The following ZP3 variants were observed in gnomAD, a reference collection of about 807,000 sequenced individuals.
ZP3 encodes zona pellucida sperm-binding protein 3.
A neutral mutation model predicts 35.6 loss-of-function variants in ZP3; 21 were observed. That is an observed-to-expected ratio of 0.59 (90% CI 0.42 to 0.85). The LOEUF (loss-of-function observed/expected upper bound fraction) is 0.85, where lower values mean the gene tolerates loss of function less well. Among genes scored for constraint, ZP3 ranks in the 40% least tolerant of loss-of-function variants. The pLI is 0.00. For missense variants in ZP3, 437 were observed against 536.5 expected (o/e 0.81, Z 1.83); for synonymous variants, 207 against 214.5 (o/e 0.96, Z 0.31).
At chr7:76,427,855 G>GT (rs1805712235) in intron 1 of ZP3, among the ~76,000 whole-genome samples, 2 of 152,090 alleles carry the variant, frequency 1.3e-5, no homozygotes, top group Admixed American at 1.3e-4. Flanking sequence ...GCCAAGTTAT[G>GT]TTTTTGTAGA....
chr7:76,438,541 A>G (rs1335857066), intron 5 of ZP3, among the ~76,000 whole-genome samples: 1 of 146,758 alleles, frequency 6.8e-6, no homozygotes, highest in Non-Finnish European at 1.5e-5. Flanking sequence ...CGTCTCAGAA[A>G]AAAAAAAAAA....
intron 1 of ZP3, chr7:76,401,181 G>A: frequency 8.0e-7 from 1 of 1,243,354 alleles, no homozygotes; most frequent in Non-Finnish European, 1.1e-6. Flanking sequence ...CTTTGCCAAA[G>A]CCCCATTGTC....
At chr7:76,398,693 G>A in intron 1 of ZP3, 1 of 1,610,760 alleles carries the variant, frequency 6.2e-7, no homozygotes, top group Non-Finnish European at 8.5e-7. Flanking sequence ...CCAAAACCCA[G>A]GTGGTGCCCA....
chr7:76,416,365 G>A (rs113986316), intron 1 of ZP3, among the ~76,000 whole-genome samples: 4,900 of 152,204 alleles, frequency 0.032, 152 homozygotes, highest in East Asian at 0.13. Flanking sequence ...GGAAGTCGAG[G>A]CTGCAGTGAG....
intron 3 of ZP3, 70 bp downstream of exon 3, chr7:76,433,100 G>GT: frequency 6.1e-6 from 7 of 1,148,502 alleles, no homozygotes; most frequent in Non-Finnish European, 8.1e-6. Flanking sequence ...GCCCTTGGCT[G>GT]TGTCTTTTTT....
At chr7:76,426,648 C>A (rs769343901) in intron 1 of ZP3, among the ~76,000 whole-genome samples, 6 of 146,778 alleles carry the variant, frequency 4.1e-5, no homozygotes, top group African/African-American at 7.9e-5. Context: ...GTGCCTGGCT[C>A]CCCCCCCTTC....
At chr7:76,407,669 G>C (rs540261111) in intron 1 of ZP3, among the ~76,000 whole-genome samples, 69 of 152,208 alleles carry the variant, frequency 4.5e-4, no homozygotes, top group African/African-American at 1.6e-3. Context: ...GGAGTTCAAG[G>C]CTGCAGTTAG....
chr7:76,430,261 C>T (rs956399669), intron 2 of ZP3, among the ~76,000 whole-genome samples: 5 of 152,122 alleles, frequency 3.3e-5, no homozygotes, highest in South Asian at 2.1e-4. Context: ...CTGACCTGGG[C>T]GGTGGTGGCC....
chr7:76,414,943 A>G (rs936714227), intron 1 of ZP3, among the ~76,000 whole-genome samples: 6 of 145,488 alleles, frequency 4.1e-5, no homozygotes, highest in Non-Finnish European at 9.0e-5. Flanking sequence ...GCACATTAAT[A>G]TTAACCAAAC....
upstream of ZP3, among the ~76,000 whole-genome samples, chr7:76,423,061 AAG>A (rs1805558180): frequency 7.0e-6 from 1 of 142,626 alleles, no homozygotes; most frequent in Admixed American, 7.2e-5. Flanking sequence ...GAAAGAAAGA[AAG>A]AAAGAAAGAA....
upstream of ZP3, among the ~76,000 whole-genome samples, chr7:76,422,441 G>C (rs1294442063): frequency 6.6e-6 from 1 of 151,996 alleles, no homozygotes; most frequent in Non-Finnish European, 1.5e-5. Context: ...CACTTTGGGA[G>C]GCTGAGGCAG....
exon 1 of ZP3, chr7:76,397,574 AG>A (rs752179015): frequency 1.1e-5 from 18 of 1,608,220 alleles, no homozygotes; most frequent in Non-Finnish European, 1.5e-5. Flanking sequence ...ACCCCAGCCC[AG>A]GCTCTGGCAG....
At chr7:76,436,030 C>CTTTTTTTTTTTTTTTTTTTTTTTTT (rs60553917) in intron 5 of ZP3, among the ~76,000 whole-genome samples, 2 of 74,248 alleles carry the variant, frequency 2.7e-5, no homozygotes, top group African/African-American at 1.0e-4. Context: ...CCCCCGCCCC[C>CTTTTTTTTTTTTTTTTTTTTTTTTT]TTTTTTTTTT....
intron 1 of ZP3, chr7:76,400,308 C>G (rs367686256): frequency 2.7e-6 from 4 of 1,501,566 alleles, no homozygotes; most frequent in South Asian, 1.3e-5. Context: ...CAGCCACATC[C>G]TCGTAGTGAA....
At chr7:76,400,177 A>C (rs1003017422) in intron 1 of ZP3, 11 of 1,235,522 alleles carry the variant, frequency 8.9e-6, no homozygotes, top group African/African-American at 1.6e-5. Context: ...CTCTGGCCTG[A>C]TCTGCATGGA....
At chr7:76,416,907 TATAC>T (rs1202503931) in intron 1 of ZP3, among the ~76,000 whole-genome samples, 7 of 125,408 alleles carry the variant, frequency 5.6e-5, no homozygotes, top group African/African-American at 2.0e-4. Context: ...CATACATATG[TATAC>T]ATACATATAT....
chr7:76,398,947 T>C, intron 1 of ZP3: 1 of 733,852 alleles, frequency 1.4e-6, no homozygotes, highest in Non-Finnish European at 2.3e-6. Context: ...CACTGGGGTA[T>C]GAGAGGAGAG....
chr7:76,431,652 C>A (rs967083407), intron 2 of ZP3, among the ~76,000 whole-genome samples: 4 of 152,316 alleles, frequency 2.6e-5, no homozygotes, highest in Non-Finnish European at 5.9e-5. Flanking sequence ...ATAATCCCAG[C>A]ACTTTGGGAG....
At chr7:76,425,531 G>A (rs550265741) in intron 1 of ZP3, among the ~76,000 whole-genome samples, 5 of 152,192 alleles carry the variant, frequency 3.3e-5, no homozygotes, top group African/African-American at 1.2e-4. Context: ...CCCAAGCCAC[G>A]CCACTCTCTC....
Sources: allele counts gnomAD v4.1 joint callset (sites outside exome capture counted in the v4.1 genomes callset), GRCh38; gene constraint gnomAD v4.1.1; transcripts MANE v1.5; gene names NCBI Gene and HGNC (gene_info 2026-07-23, HGNC 2026-07-21).